MCTP2: variants seen among roughly 807,000 people sequenced by gnomAD.
The protein encoded by MCTP2 is multiple C2 and transmembrane domain-containing protein 2.
A neutral mutation model predicts 111.6 loss-of-function variants in MCTP2; 132 were observed. That is an observed-to-expected ratio of 1.18 (90% confidence interval 1.03 to 1.37). The LOEUF (loss-of-function observed/expected upper bound fraction) is 1.37. Ranked by LOEUF, MCTP2 falls within the 40% of genes most tolerant of loss-of-function variation. The pLI is 0.00. For synonymous variants in MCTP2, 395 were observed against 387.7 expected, an observed-to-expected ratio of 1.02 and a Z score of -0.22; for missense variants, 1,183 against 1,067.9, an observed-to-expected ratio of 1.11 and a Z score of -1.50.
At chr15:94,258,299 C>T (rs964758475) in intron 1 of MCTP2, among the ~76,000 whole-genome samples, 3 of 152,116 alleles carry the variant, frequency 2.0e-5, no homozygotes, top group Admixed American at 6.5e-5. Context: ...TTATGGTAAA[C>T]AGATTTATTT....
intron 17 of MCTP2, among the ~76,000 whole-genome samples, chr15:94,433,344 C>T (rs1004459823): frequency 2.6e-5 from 4 of 152,130 alleles, no homozygotes; most frequent in African/African-American, 9.7e-5. Flanking sequence ...TTTGAAATTA[C>T]ACCTACTGGT....
chr15:94,239,553 C>T (rs1017690889), intron 1 of MCTP2, among the ~76,000 whole-genome samples: 2 of 152,218 alleles, frequency 1.3e-5, no homozygotes, highest in African/African-American at 4.8e-5. Context: ...TACATGAGCT[C>T]CCTCCCCTGT....
At chr15:94,400,315 C>A (rs2081506136) in intron 16 of MCTP2, among the ~76,000 whole-genome samples, 3 of 152,136 alleles carry the variant, frequency 2.0e-5, no homozygotes, top group African/African-American at 7.2e-5. Flanking sequence ...CTTGTCCTGC[C>A]TATCCGTCCT....
At chr15:94,409,720 T>C (rs2082067549) in intron 17 of MCTP2, among the ~76,000 whole-genome samples, 1 of 151,968 alleles carries the variant, frequency 6.6e-6, no homozygotes, top group African/African-American at 2.4e-5. Context: ...TCCTCCTCTC[T>C]CTTCCCTCTT....
At chr15:94,273,304 G>A (rs1393714340) in intron 1 of MCTP2, among the ~76,000 whole-genome samples, 1 of 152,160 alleles carries the variant, frequency 6.6e-6, no homozygotes. Flanking sequence ...CACAAAGGGA[G>A]CCTCTAATTT....
chr15:94,252,460 A>ACTAG (rs1348756542), intron 1 of MCTP2, among the ~76,000 whole-genome samples: 10 of 152,226 alleles, frequency 6.6e-5, no homozygotes, highest in African/African-American at 2.2e-4. Flanking sequence ...CTGGCAGATC[A>ACTAG]AAAGATCTGG....
At chr15:94,296,880 A>G (rs1474491120) in intron 1 of MCTP2, among the ~76,000 whole-genome samples, 1 of 152,224 alleles carries the variant, frequency 6.6e-6, no homozygotes, top group Non-Finnish European at 1.5e-5. Flanking sequence ...AGCTCTTGTC[A>G]TGCGCTGGTC....
chr15:94,268,347 ATT>A (rs59728541), intron 1 of MCTP2, among the ~76,000 whole-genome samples: 128,078 of 144,254 alleles, frequency 0.89, 57,030 homozygotes, highest in Non-Finnish European at 0.93. Context: ...TACCTGGCTA[ATT>A]TTTTTTTTTT....
intron 4 of MCTP2, among the ~76,000 whole-genome samples, chr15:94,337,178 CAATT>C (rs888336843): frequency 2.0e-5 from 3 of 152,156 alleles, no homozygotes; most frequent in Non-Finnish European, 4.4e-5. Context: ...TTTTCCCTAA[CAATT>C]AACGCGGCAC....
intron 1 of MCTP2, among the ~76,000 whole-genome samples, chr15:94,278,658 G>C (rs1031822605): frequency 6.6e-6 from 1 of 152,072 alleles, no homozygotes; most frequent in African/African-American, 2.4e-5. Context: ...ACTGGGGTTT[G>C]ATGTACTAAT....
At chr15:94,284,993 G>A (rs1366750590) in intron 1 of MCTP2, among the ~76,000 whole-genome samples, 2 of 152,108 alleles carry the variant, frequency 1.3e-5, no homozygotes, top group Non-Finnish European at 1.5e-5. Context: ...CAGGGTTCAG[G>A]TCTCTAAGAC....
At position 94,399,977 on chromosome 15, in the gene MCTP2, C is replaced by T; in HGVS notation, c.1947C>T (p.Ser649=). The change falls in exon 16 of 23, where the codon AGC becomes AGT. Residue 649 remains serine, a synonymous_variant. Coordinates refer to ENST00000357742, the MANE Select transcript of MCTP2 (RefSeq NM_001385001.1). ...GGGAAAAGCGCTTTGTTGAAGACAG[C>T]CGCAAGCTGTCCAAAAAGGTGGGTC... ...TPREKRFVED[S]RKLSKKILSR... 6.2e-7 allele frequency: 1 copy of T among 1,613,932 alleles called. No homozygotes were observed. Among genetic ancestry groups the T allele is most frequent in the Non-Finnish European group, 8.5e-7 (1 of 1,179,872 alleles).
At chr15:94,318,675 C>T (rs939587852) in intron 4 of MCTP2, among the ~76,000 whole-genome samples, 1 of 152,206 alleles carries the variant, frequency 6.6e-6, no homozygotes, top group East Asian at 1.9e-4. Flanking sequence ...CTTTCTCCCT[C>T]ACTGCTGTCA....
At chr15:94,330,366 C>G (rs901112930) in intron 4 of MCTP2, among the ~76,000 whole-genome samples, 1 of 151,984 alleles carries the variant, frequency 6.6e-6, no homozygotes, top group African/African-American at 2.4e-5. Flanking sequence ...AAGGAGAATG[C>G]GAGAGTATCA....
chr15:94,392,567 C>T (rs1346793971), intron 14 of MCTP2, among the ~76,000 whole-genome samples: 1 of 152,044 alleles, frequency 6.6e-6, no homozygotes, highest in Non-Finnish European at 1.5e-5. Flanking sequence ...GTAATCCCAG[C>T]ACTTTGGGAG....
intron 4 of MCTP2, among the ~76,000 whole-genome samples, chr15:94,329,292 T>G (rs1008775207): frequency 6.6e-6 from 1 of 152,154 alleles, no homozygotes; most frequent in Non-Finnish European, 1.5e-5. Context: ...TTAAAAAAAA[T>G]TTTTTATTAC....
At chr15:94,242,804 A>G (rs1028583807) in intron 1 of MCTP2, among the ~76,000 whole-genome samples, 2 of 151,036 alleles carry the variant, frequency 1.3e-5, no homozygotes, top group Non-Finnish European at 1.5e-5. Flanking sequence ...TATTGGCAGT[A>G]TTGGGTTTAG....
At chr15:94,374,655 C>G (rs979644999) in intron 12 of MCTP2, among the ~76,000 whole-genome samples, 2 of 152,196 alleles carry the variant, frequency 1.3e-5, no homozygotes, top group East Asian at 3.8e-4. Flanking sequence ...TTGTAAGAGA[C>G]TTCCTTCCCC....
At chr15:94,245,499 T>TATATAC (rs1567265877) in intron 1 of MCTP2, among the ~76,000 whole-genome samples, 2 of 141,660 alleles carry the variant, frequency 1.4e-5, no homozygotes, top group African/African-American at 5.1e-5. Flanking sequence ...TGTATGTATT[T>TATATAC]ATATATGTAT....
Sources: gnomAD v4.1 joint callset for allele counts (sites outside exome capture counted in the v4.1 genomes callset) on GRCh38, gnomAD v4.1.1 for gene constraint, MANE v1.5 for transcripts, NCBI Gene and HGNC (gene_info 2026-07-23, HGNC 2026-07-21) for gene names.